The following RAB7A variants were observed in gnomAD, a reference collection of about 807,000 sequenced individuals.
RAB7A encodes the protein ras-related protein Rab-7a.
RAB7A carries 2 observed loss-of-function variants against 24.5 expected under a neutral mutation model. That is an observed-to-expected ratio of 0.08 (90% CI 0.03 to 0.26). The LOEUF (loss-of-function observed/expected upper bound fraction) is 0.26. Ranked by LOEUF, RAB7A falls within the 10% of genes least tolerant of loss-of-function variation. The pLI, the probability that RAB7A is intolerant of heterozygous loss-of-function variation, is 1.00. For missense variants in RAB7A, 118 were observed against 255.7 expected, an observed-to-expected ratio of 0.46 and a Z score of 3.67; for synonymous variants, 100 against 95.9, an observed-to-expected ratio of 1.04 and a Z score of -0.25.
At chr3:128,727,360 C>T (rs1435884829) in intron 1 of RAB7A, among the ~76,000 whole-genome samples, 1 of 152,150 alleles carries the variant, frequency 6.6e-6, no homozygotes, top group East Asian at 1.9e-4. Context: ...TATTAAATTT[C>T]TAGGTTGTAC....
At chr3:128,779,261 A>G (rs1344822183) in intron 1 of RAB7A, among the ~76,000 whole-genome samples, 1 of 152,086 alleles carries the variant, frequency 6.6e-6, no homozygotes, top group Non-Finnish European at 1.5e-5. Context: ...TAAAAATACA[A>G]AAATTTGCCG....
chr3:128,743,786 C>A (rs961887990), intron 1 of RAB7A, among the ~76,000 whole-genome samples: 1 of 143,372 alleles, frequency 7.0e-6, no homozygotes, highest in Non-Finnish European at 1.5e-5. Context: ...AATAATTTCT[C>A]TCTCTCTTTT....
intron 1 of RAB7A, among the ~76,000 whole-genome samples, chr3:128,741,792 G>A (rs1035350356): frequency 2.0e-5 from 3 of 152,060 alleles, no homozygotes; most frequent in Admixed American, 6.6e-5. Context: ...ATACATACAC[G>A]CATACATATA....
At chr3:128,787,733 C>T (rs1283690226) in intron 1 of RAB7A, among the ~76,000 whole-genome samples, 1 of 152,200 alleles carries the variant, frequency 6.6e-6, no homozygotes, top group Non-Finnish European at 1.5e-5. Flanking sequence ...CTTTTTGAGA[C>T]AGAGGGTTGT....
chr3:128,746,442 T>C (rs2070616136), intron 1 of RAB7A, among the ~76,000 whole-genome samples: 1 of 152,194 alleles, frequency 6.6e-6, no homozygotes, highest in Non-Finnish European at 1.5e-5. Context: ...CTGTTTACTT[T>C]TATTTTTTGT....
At chr3:128,811,132 C>CT (rs1209177395) in intron 5 of RAB7A, among the ~76,000 whole-genome samples, 3,185 of 145,006 alleles carry the variant, frequency 0.022, 54 homozygotes, top group African/African-American at 0.049. Context: ...TTGATTGATT[C>CT]TTTTTTTTTT....
intron 1 of RAB7A, among the ~76,000 whole-genome samples, chr3:128,793,603 A>G (rs1224990583): frequency 2.6e-5 from 4 of 152,234 alleles, no homozygotes. Flanking sequence ...TTGAAATATG[A>G]TACCAGACCT....
chr3:128,728,104 A>G (rs190046771), intron 1 of RAB7A, among the ~76,000 whole-genome samples: 88 of 152,338 alleles, frequency 5.8e-4, no homozygotes, highest in African/African-American at 1.9e-3. Context: ...AGTATCAGCA[A>G]TGTATCAGGC....
Position 128,806,446 on chromosome 3 carries a change from T to G in RAB7A, c.255T>G (p.Val85=), listed in dbSNP as rs757479568. 6.2e-7 allele frequency: 1 copy of G among 1,614,124 alleles called. No individual in the cohort carries two copies. Among genetic ancestry groups the G allele is most frequent in the Non-Finnish European group, 8.5e-7 (1 of 1,179,998 alleles). ...TCTACAGAGGTGCAGACTGCTGCGT[T>G]CTGGTATTTGATGTGACTGCCCCCA... ...VAFYRGADCC[V]LVFDVTAPNT... Residue 85 remains valine, a synonymous_variant, in exon 4 of 6, where the codon GTT becomes GTG. Coordinates refer to ENST00000265062, the MANE Select transcript of RAB7A (RefSeq NM_004637.6).
At chr3:128,807,230 C>G (rs896380216) in intron 4 of RAB7A, among the ~76,000 whole-genome samples, 3 of 152,162 alleles carry the variant, frequency 2.0e-5, no homozygotes, top group Admixed American at 2.0e-4. Context: ...CCAGTAAACA[C>G]TCTTCATTTC....
intron 5 of RAB7A, among the ~76,000 whole-genome samples, 171 bp from the exon 6 acceptor site, chr3:128,813,156 G>T (rs1933962682): frequency 6.6e-6 from 1 of 152,176 alleles, no homozygotes; most frequent in South Asian, 2.1e-4. Flanking sequence ...CCTGAGCATG[G>T]CACCTTCTGC....
chr3:128,804,902 A>T (rs1363790009), intron 3 of RAB7A, among the ~76,000 whole-genome samples: 1 of 152,208 alleles, frequency 6.6e-6, no homozygotes, highest in East Asian at 1.9e-4. Context: ...GCAGCAGTAA[A>T]GTCCAGTGAA....
chr3:128,738,238 G>A (rs2070512448), intron 1 of RAB7A, among the ~76,000 whole-genome samples: 4 of 151,814 alleles, frequency 2.6e-5, no homozygotes, highest in Admixed American at 2.6e-4. Context: ...TGGCCATATT[G>A]CCCAGCTGGT....
intron 1 of RAB7A, among the ~76,000 whole-genome samples, chr3:128,750,384 C>T (rs535456263): frequency 6.6e-6 from 1 of 152,282 alleles, no homozygotes; most frequent in South Asian, 2.1e-4. Context: ...GCTTCAGCCT[C>T]CTGAGTAGCT....
intron 1 of RAB7A, among the ~76,000 whole-genome samples, chr3:128,782,197 TC>T (rs1933236392): frequency 6.6e-6 from 1 of 152,166 alleles, no homozygotes; most frequent in African/African-American, 2.4e-5. Context: ...TCCTTAAGCA[TC>T]TTTGAATGGG....
chr3:128,733,940 T>G (rs2070464361), intron 1 of RAB7A, among the ~76,000 whole-genome samples: 1 of 152,206 alleles, frequency 6.6e-6, no homozygotes, highest in Admixed American at 6.5e-5. Context: ...TTCCACATCC[T>G]TGCTAGCACT....
At chr3:128,738,467 T>C (rs1405485344) in intron 1 of RAB7A, among the ~76,000 whole-genome samples, 1 of 152,226 alleles carries the variant, frequency 6.6e-6, no homozygotes, top group Non-Finnish European at 1.5e-5. Flanking sequence ...TACCACACTT[T>C]GTTCCCTACT....
intron 1 of RAB7A, among the ~76,000 whole-genome samples, chr3:128,778,349 C>CT (rs35069658): frequency 1.3e-5 from 2 of 151,956 alleles, no homozygotes; most frequent in Non-Finnish European, 2.9e-5. Flanking sequence ...CTTTTTAGAC[C>CT]TTTTTTTCCT....
intron 1 of RAB7A, among the ~76,000 whole-genome samples, chr3:128,737,198 C>A (rs2070497928): frequency 6.6e-6 from 1 of 151,942 alleles, no homozygotes; most frequent in Non-Finnish European, 1.5e-5. Flanking sequence ...CCACCACACA[C>A]CTGGCTAATT....
Sources: gnomAD v4.1 joint callset for allele counts (sites outside exome capture counted in the v4.1 genomes callset) on GRCh38, gnomAD v4.1.1 for gene constraint, MANE v1.5 for transcripts, NCBI Gene and HGNC (gene_info 2026-07-23, HGNC 2026-07-21) for gene names.